The following HPSE2 variants were observed in gnomAD, a reference collection of about 807,000 sequenced individuals.
The protein encoded by HPSE2 is heparanase 2 (inactive).
A neutral mutation model predicts 60.5 loss-of-function variants in HPSE2; 38 were observed. The ratio of observed to expected loss-of-function variants is 0.63; its 90% confidence interval spans 0.48 to 0.82. HPSE2 has a LOEUF of 0.82. Among genes scored for constraint, HPSE2 ranks in the 40% least tolerant of loss-of-function variants. HPSE2 has a pLI of 0.00. For missense variants in HPSE2, 713 were observed against 740.4 expected (o/e 0.96, Z 0.43); for synonymous variants, 295 against 293.2 (o/e 1.01, Z -0.06).
chr10:99,048,005 G>A (rs1394301135), intron 3 of HPSE2: 16 of 695,756 alleles, frequency 2.3e-5, no homozygotes, highest in Non-Finnish European at 3.9e-5. Context: ...TGAAACCTTT[G>A]CGAAGCTCAA....
At chr10:98,478,612 ATC>A (rs1941115950) in intron 11 of HPSE2, among the ~76,000 whole-genome samples, 1 of 152,188 alleles carries the variant, frequency 6.6e-6, no homozygotes, top group South Asian at 2.1e-4. Context: ...AGTGAAATCT[ATC>A]TCTTTTAAAT....
Position 98,948,085 on chromosome 10 carries a change from GA to G in HPSE2, c.610+196152del, listed in dbSNP as rs1178959828. The stretch of plus-strand genomic sequence containing the variant: ...TACAGGAAAGGATTTCAACACTATG[GA>G]AAAGAGCCCTAATAGAGAGAACATC... On this transcript the variant is annotated intron_variant, in intron 3 of 11. Coordinates refer to ENST00000370552, the MANE Select transcript of HPSE2 (RefSeq NM_021828.5). 6.6e-5 allele frequency among the ~76,000 whole-genome samples: 10 copies of G among 152,216 alleles called. No individual in the cohort carries two copies. The East Asian group carries it at 1.9e-3, about 29-fold the overall frequency.
intron 5 of HPSE2, among the ~76,000 whole-genome samples, chr10:98,713,531 C>G (rs1948723644): frequency 6.6e-6 from 1 of 151,580 alleles, no homozygotes; most frequent in South Asian, 2.1e-4. Flanking sequence ...GTTAGTGGAA[C>G]ATTAATCCCT....
At chr10:98,493,566 T>C (rs1400109773) in intron 9 of HPSE2, among the ~76,000 whole-genome samples, 2 of 152,188 alleles carry the variant, frequency 1.3e-5, no homozygotes, top group Non-Finnish European at 2.9e-5. Context: ...CTTATAATCT[T>C]TTAAAATTTA....
chr10:99,159,115 T>C (rs1846714764), intron 2 of HPSE2, among the ~76,000 whole-genome samples: 1 of 148,940 alleles, frequency 6.7e-6, no homozygotes, highest in South Asian at 2.1e-4. Context: ...ACTAGAAAAA[T>C]AAGAAAATTT....
At chr10:98,658,418 CAA>C (rs1947134632) in intron 6 of HPSE2, among the ~76,000 whole-genome samples, 1 of 152,124 alleles carries the variant, frequency 6.6e-6, no homozygotes, top group Non-Finnish European at 1.5e-5. Context: ...CAACCATTTG[CAA>C]AGACATAAAG....
the HPSE2 span, among the ~76,000 whole-genome samples, chr10:99,289,376 T>C: frequency 6.6e-6 from 1 of 152,018 alleles, no homozygotes; most frequent in Non-Finnish European, 1.5e-5. Context: ...GGAACTTTCT[T>C]CTTCGTTTGG....
intron 8 of HPSE2, among the ~76,000 whole-genome samples, chr10:98,617,614 C>T (rs1020075874): frequency 6.6e-6 from 1 of 152,170 alleles, no homozygotes; most frequent in Non-Finnish European, 1.5e-5. Flanking sequence ...TGAAAGTTAT[C>T]TTCATCTTCC....
chr10:99,292,034 C>G, the HPSE2 span, among the ~76,000 whole-genome samples: 2 of 151,528 alleles, frequency 1.3e-5, no homozygotes, highest in Admixed American at 1.3e-4. Flanking sequence ...TAAGAATGAA[C>G]AAAAAACTAG....
At chr10:98,975,934 G>A (rs1042837734) in intron 3 of HPSE2, among the ~76,000 whole-genome samples, 1 of 152,104 alleles carries the variant, frequency 6.6e-6, no homozygotes, top group Admixed American at 6.6e-5. Flanking sequence ...AATCAATGCA[G>A]GTTTTAGAAA....
At chr10:99,235,936 ACACT>A, upstream of HPSE2, 3 of 680,778 alleles carry the variant, frequency 4.4e-6, no homozygotes, top group Non-Finnish European at 2.6e-6. Flanking sequence ...CAACACACAC[ACACT>A]CTCTCTCTCT....
intron 3 of HPSE2, among the ~76,000 whole-genome samples, chr10:99,038,246 C>T (rs1957654627): frequency 2.6e-5 from 4 of 151,966 alleles, no homozygotes; most frequent in Non-Finnish European, 5.9e-5. Flanking sequence ...TTGCAATAGC[C>T]AAAAACTGGA....
chr10:98,729,242 A>C (rs1226995248), intron 4 of HPSE2, among the ~76,000 whole-genome samples: 1 of 152,220 alleles, frequency 6.6e-6, no homozygotes, highest in Non-Finnish European at 1.5e-5. Context: ...TGAATAAAAA[A>C]TAGATCCTAA....
intron 9 of HPSE2, among the ~76,000 whole-genome samples, chr10:98,614,581 C>T (rs905941817): frequency 4.6e-5 from 7 of 151,988 alleles, no homozygotes; most frequent in Non-Finnish European, 1.0e-4. Context: ...CGTGAGCCAC[C>T]GTGCCCGGCC....
chr10:98,862,910 A>G (rs12771260), intron 3 of HPSE2, among the ~76,000 whole-genome samples: 2,785 of 152,224 alleles, frequency 0.018, 36 homozygotes, highest in Non-Finnish European at 0.03. Flanking sequence ...GTGGGCATGT[A>G]CCACTGTGCC....
intron 9 of HPSE2, among the ~76,000 whole-genome samples, chr10:98,532,846 G>A (rs2133804683): frequency 6.6e-6 from 1 of 152,116 alleles, no homozygotes; most frequent in East Asian, 1.9e-4. Context: ...CCCTGGAAGA[G>A]CTTCCTTTTA....
Position 99,020,601 on chromosome 10 carries a change from T to G in HPSE2, c.610+123637A>C, listed in dbSNP as rs78358357. Among the ~76,000 whole-genome samples the G allele has an allele frequency of 2.4e-3, 365 of 152,360 alleles. 9 individuals are homozygous for G. In the East Asian group the frequency reaches 0.058, roughly 24 times the overall value. On this transcript the variant is annotated intron_variant, in intron 3 of 11. Transcript: ENST00000370552. ...TTGCAAGTTTAAAATGCTTTGCTCT[T>G]TGCTGAGGTTTACCTGAGGGAAGGG...
chr10:99,234,359 G>A (rs1300398672), intron 1 of HPSE2, among the ~76,000 whole-genome samples: 4 of 152,188 alleles, frequency 2.6e-5, no homozygotes, highest in Non-Finnish European at 4.4e-5. Flanking sequence ...AGAGGCGGGC[G>A]CACCTCAAGA....
chr10:98,744,959 T>C (rs1949591762), intron 3 of HPSE2, among the ~76,000 whole-genome samples: 1 of 152,192 alleles, frequency 6.6e-6, no homozygotes, highest in South Asian at 2.1e-4. Context: ...TTCCAGCACT[T>C]TGGGAGGCCG....
Sources: gnomAD v4.1 joint callset for allele counts (sites outside exome capture counted in the v4.1 genomes callset) on GRCh38, gnomAD v4.1.1 for gene constraint, MANE v1.5 for transcripts, NCBI Gene and HGNC (gene_info 2026-07-23, HGNC 2026-07-21) for gene names.